The following LAMA1 variants were observed in gnomAD, a reference collection of about 807,000 sequenced individuals.
LAMA1 encodes the protein laminin subunit alpha 1.
In LAMA1, 219 loss-of-function variants were observed where a neutral mutation model predicts 348.7. That is an observed-to-expected ratio of 0.63 (90% CI 0.56 to 0.70). LAMA1 has a LOEUF of 0.70. Among genes scored for constraint, LAMA1 ranks in the 30% least tolerant of loss-of-function variants. LAMA1 has a pLI of 0.00. For synonymous variants in LAMA1, 1,487 were observed against 1,491.0 expected (o/e 1.00, Z 0.06); for missense variants, 3,744 against 3,888.0 (o/e 0.96, Z 0.99).
chr18:7,084,074 G>GAAAAAAAA (rs35419107), intron 1 of LAMA1, among the ~76,000 whole-genome samples: 4 of 49,722 alleles, frequency 8.0e-5, no homozygotes, highest in African/African-American at 2.0e-4. Flanking sequence ...TTCTGTCTCA[G>GAAAAAAAA]AAAAAAAAAA....
chr18:6,982,176 T>C (rs748970036), intron 41 of LAMA1, among the ~76,000 whole-genome samples: 4 of 152,090 alleles, frequency 2.6e-5, no homozygotes, highest in Non-Finnish European at 5.9e-5. Context: ...CAATCAAAGA[T>C]AACCCAACAG....
chr18:7,102,448 A>T (rs925074727), intron 1 of LAMA1, among the ~76,000 whole-genome samples: 3 of 152,182 alleles, frequency 2.0e-5, no homozygotes, highest in Non-Finnish European at 4.4e-5. Context: ...TACTATACGT[A>T]AAAATATCAC....
At chr18:6,944,834 CT>C (rs1454837147) in intron 61 of LAMA1, among the ~76,000 whole-genome samples, 4 of 152,040 alleles carry the variant, frequency 2.6e-5, no homozygotes, top group Non-Finnish European at 5.9e-5. Flanking sequence ...TTCAAATGTA[CT>C]TTTTGAAGAT....
At chr18:7,061,185 C>T (rs1375621185) in intron 3 of LAMA1, among the ~76,000 whole-genome samples, 1 of 152,198 alleles carries the variant, frequency 6.6e-6, no homozygotes. Context: ...TGTTGAACTG[C>T]TTTATCTAAG....
intron 1 of LAMA1, among the ~76,000 whole-genome samples, chr18:7,080,823 A>C (rs980592465): frequency 3.9e-5 from 6 of 152,104 alleles, no homozygotes; most frequent in Middle Eastern, 3.2e-3. Flanking sequence ...AGATCCGTGT[A>C]TCTTAGTATG....
At chr18:7,054,298 C>A (rs2058073144) in intron 3 of LAMA1, among the ~76,000 whole-genome samples, 1 of 152,136 alleles carries the variant, frequency 6.6e-6, no homozygotes, top group Admixed American at 6.5e-5. Flanking sequence ...GCTCTGGACA[C>A]AACTTTATTT....
rs145794099 is a variant in LAMA1, at chr18:7,078,569, T to C, written c.345+1406A>G. Among the ~76,000 whole-genome samples, 750 of 152,360 alleles carry C rather than the reference T, an allele frequency of 4.9e-3. 7 individuals are homozygous for C. The highest frequency in any genetic ancestry group is 0.015 in the African/African-American group (642 of 41,586). On this transcript the variant is annotated intron_variant, in intron 3 of 62. Coordinates refer to ENST00000389658, the MANE Select transcript of LAMA1 (RefSeq NM_005559.4). The stretch of plus-strand genomic sequence containing the variant: ...TAAAAGTGTTATTTTACTTTCATAA[T>C]ACTGTGAACCTGAACTTGGAAAATG...
At chr18:7,039,942 G>T in intron 10 of LAMA1, 134 bp downstream of exon 10, 1 of 992,338 alleles carries the variant, frequency 1.0e-6, no homozygotes, top group Non-Finnish European at 1.5e-6. Flanking sequence ...GTGGCTTGGA[G>T]AGAAGGGGCA....
chr18:6,968,415 C>G (rs547128770), intron 48 of LAMA1, among the ~76,000 whole-genome samples: 1 of 152,300 alleles, frequency 6.6e-6, no homozygotes, highest in Admixed American at 6.5e-5. Flanking sequence ...AACTCTGGCC[C>G]CTTGCCACAG....
chr18:7,018,833 T>C lies in LAMA1; in HGVS notation c.2702-1449A>G, dbSNP rs975242333. On this transcript the variant is annotated intron_variant, in intron 19 of 62. Transcript: ENST00000389658. Reference sequence around the variant, plus strand: ...GACCTGGAGGCTGCAGCAAGAGTGCTGGACATGGGACATGACATGGGAAGG... The same window carrying C: ...GACCTGGAGGCTGCAGCAAGAGTGCCGGACATGGGACATGACATGGGAAGG... Among the ~76,000 whole-genome samples, 3 of 152,296 alleles carry C rather than the reference T, an allele frequency of 2.0e-5. No homozygotes were observed. In the East Asian group the frequency reaches 5.8e-4, roughly 29 times the overall value.
At chr18:6,974,233 A>ATT (rs60565284) in intron 46 of LAMA1, among the ~76,000 whole-genome samples, 4,345 of 152,150 alleles carry the variant, frequency 0.029, 127 homozygotes, top group African/African-American at 0.071. Flanking sequence ...TTTTAAAAAA[A>ATT]TTTTTTGAAT....
chr18:6,949,390 T>C, intron 58 of LAMA1, 131 bp from the exon 59 acceptor site: 1 of 929,028 alleles, frequency 1.1e-6, no homozygotes, highest in Non-Finnish European at 1.7e-6. Flanking sequence ...TAAAGGAAGG[T>C]TCAAATTTTT....
intron 3 of LAMA1, among the ~76,000 whole-genome samples, chr18:7,075,679 G>C (rs184791120): frequency 0.012 from 1,806 of 151,696 alleles, 16 homozygotes; most frequent in Middle Eastern, 0.021. Context: ...GGCTTACGCC[G>C]GTAATTCCAG....
intron 1 of LAMA1, among the ~76,000 whole-genome samples, chr18:7,115,296 AAAG>A (rs1480241916): frequency 6.6e-6 from 1 of 152,218 alleles, no homozygotes; most frequent in Non-Finnish European, 1.5e-5. Flanking sequence ...TTTTAGAAAA[AAAG>A]AAGGGATAGT....
intron 3 of LAMA1, among the ~76,000 whole-genome samples, chr18:7,072,269 A>C (rs190990396): frequency 4.6e-5 from 7 of 152,302 alleles, no homozygotes; most frequent in African/African-American, 1.7e-4. Flanking sequence ...TTGGGAACCT[A>C]AAGTAATTTG....
intron 3 of LAMA1, among the ~76,000 whole-genome samples, chr18:7,060,375 A>T (rs2058097882): frequency 6.6e-6 from 1 of 152,232 alleles, no homozygotes; most frequent in Non-Finnish European, 1.5e-5. Flanking sequence ...TGTGCAAAAT[A>T]AACATGTCCC....
chr18:7,065,671 G>A (rs1334508540), intron 3 of LAMA1, among the ~76,000 whole-genome samples: 1 of 152,164 alleles, frequency 6.6e-6, no homozygotes, highest in Non-Finnish European at 1.5e-5. Flanking sequence ...AGATTGCAGT[G>A]AGCTGAGATC....
chr18:7,067,216 A>G (rs897796465), intron 3 of LAMA1, among the ~76,000 whole-genome samples: 10 of 152,206 alleles, frequency 6.6e-5, no homozygotes, highest in African/African-American at 2.2e-4. Context: ...AGAGCCCAGG[A>G]TTGCTTTGCT....
At chr18:6,947,373 G>T in intron 60 of LAMA1, 77 bp from the exon 61 acceptor site, 1 of 1,584,208 alleles carries the variant, frequency 6.3e-7, no homozygotes, top group Non-Finnish European at 8.6e-7. Flanking sequence ...CCTGGCTAGG[G>T]GTTGGGGGAC....
Sources: gnomAD v4.1 joint callset for allele counts (sites outside exome capture counted in the v4.1 genomes callset) on GRCh38, gnomAD v4.1.1 for gene constraint, MANE v1.5 for transcripts, NCBI Gene and HGNC (gene_info 2026-07-23, HGNC 2026-07-21) for gene names.